ZSCAN5A: variants seen among roughly 807,000 people sequenced by gnomAD.
ZSCAN5A encodes the protein zinc finger and SCAN domain-containing protein 5A.
A neutral mutation model predicts 23.7 loss-of-function variants in ZSCAN5A; 12 were observed. The observed-to-expected ratio is 0.51, with a 90% CI of 0.32 to 0.82. ZSCAN5A has a LOEUF of 0.82. Ranked by LOEUF, ZSCAN5A falls within the 40% of genes least tolerant of loss-of-function variation. The probability of loss-of-function intolerance (pLI) is 0.03; values close to 1 mark genes in which losing one functional copy is unlikely to be tolerated. For synonymous variants in ZSCAN5A, 257 were observed against 239.9 expected (o/e 1.07, Z -0.66); for missense variants, 597 against 617.9 (o/e 0.97, Z 0.36).
intron 2 of ZSCAN5A, among the ~76,000 whole-genome samples, chr19:56,303,944 G>A (rs1380792103): frequency 3.3e-5 from 5 of 152,118 alleles, no homozygotes; most frequent in Non-Finnish European, 7.4e-5. Context: ...TACCTTCGAG[G>A]AACCAAAGGA....
chr19:56,252,501 A>C (rs1269638335), intron 2 of ZSCAN5A, among the ~76,000 whole-genome samples: 6 of 152,134 alleles, frequency 3.9e-5, no homozygotes, highest in African/African-American at 1.4e-4. Flanking sequence ...GAGAGGGCAG[A>C]GAAAGGAGGC....
intron 2 of ZSCAN5A, among the ~76,000 whole-genome samples, chr19:56,275,500 G>C (rs1444663209): frequency 6.6e-6 from 1 of 152,204 alleles, no homozygotes; most frequent in Admixed American, 6.5e-5. Context: ...GGAGGCCAAC[G>C]CAAGAGGATC....
intron 2 of ZSCAN5A, chr19:56,247,430 C>A: frequency 5.7e-6 from 1 of 173,930 alleles, no homozygotes. Flanking sequence ...TTTCGTCGGC[C>A]TGAAACGTTA....
chr19:56,284,206 G>T (rs200203588), intron 2 of ZSCAN5A: 1 of 985,266 alleles, frequency 1.0e-6, no homozygotes, highest in South Asian at 4.7e-5. Flanking sequence ...AGGGATCATA[G>T]GTAAGTACCT....
rs535871086 is a variant in ZSCAN5A, at chr19:56,231,150, T to C, written c.-127-5977A>G. Among the ~76,000 whole-genome samples, 176 of 152,182 alleles carry C rather than the reference T, an allele frequency of 1.2e-3. 2 individuals are homozygous for C. The highest frequency in any genetic ancestry group is 0.01 in the Middle Eastern group (3 of 294). ...ATTGCTTGAGCCTGGGAGGTCAAGGTTGCAGTGAGCTGTGATCACGCCACT... is the reference window on the plus strand; with the variant it reads ...ATTGCTTGAGCCTGGGAGGTCAAGGCTGCAGTGAGCTGTGATCACGCCACT... On this transcript the variant is annotated intron_variant, in intron 2 of 5. Transcript: ENST00000683990.
intron 1 of ZSCAN5A, chr19:56,367,947 T>C (rs2041782643): frequency 6.6e-6 from 1 of 152,296 alleles, no homozygotes. Flanking sequence ...AAGACGCACA[T>C]GTCCACGCCA....
At chr19:56,347,125 G>T (rs989728380) in intron 2 of ZSCAN5A, 8 of 152,180 alleles carry the variant, frequency 5.3e-5, no homozygotes, top group African/African-American at 1.9e-4. Context: ...GAGACGGCTA[G>T]TGCTCAAGAT....
chr19:56,342,614 TC>T (rs1473294972), intron 2 of ZSCAN5A: 9 of 451,760 alleles, frequency 2.0e-5, no homozygotes, highest in Non-Finnish European at 3.9e-5. Context: ...CCTGCACTCT[TC>T]CTTGATTAGG....
chr19:56,303,414 G>A (rs1238985561), intron 2 of ZSCAN5A, among the ~76,000 whole-genome samples: 3 of 151,428 alleles, frequency 2.0e-5, no homozygotes, highest in Non-Finnish European at 4.4e-5. Context: ...GGAAGCAGAG[G>A]TTGCAGTGAG....
intron 2 of ZSCAN5A, among the ~76,000 whole-genome samples, chr19:56,226,739 G>C (rs1354613210): frequency 1.3e-5 from 2 of 152,184 alleles, no homozygotes; most frequent in Admixed American, 6.5e-5. Flanking sequence ...AGGAAATCAG[G>C]ACGTGGACTC....
At chr19:56,362,011 AG>A (rs1213331377) in intron 2 of ZSCAN5A, among the ~76,000 whole-genome samples, 2 of 151,770 alleles carry the variant, frequency 1.3e-5, no homozygotes, top group East Asian at 3.9e-4. Context: ...ACAAAAAATT[AG>A]CTGGGCGGGG....
rs1214456914 is a variant in ZSCAN5A at position 56,238,101 on chromosome 19, AAC to A, written c.-127-12930_-127-12929del. 9.7e-4 allele frequency among the ~76,000 whole-genome samples: 140 copies of A among 145,000 alleles called. 1 individual carries two copies. Among genetic ancestry groups the A allele is most frequent in the Middle Eastern group, 3.6e-3 (1 of 274 alleles). ...ACAGAGACACACCCGGACACACGGA[AAC>A]ACATACGAACACACACCCACACACA... On this transcript the variant is annotated intron_variant, in intron 2 of 5. Coordinates refer to ENST00000683990, the MANE Select transcript of ZSCAN5A (RefSeq NM_001322064.3).
chr19:56,309,659 CTGAG>C (rs2040908232), intron 2 of ZSCAN5A, among the ~76,000 whole-genome samples: 1 of 152,186 alleles, frequency 6.6e-6, no homozygotes, highest in African/African-American at 2.4e-5. Context: ...TCCTGCAACT[CTGAG>C]TGACTCCAGC....
At chr19:56,321,552 TAAGC>T (rs1405174662) in intron 2 of ZSCAN5A, 23 of 753,538 alleles carry the variant, frequency 3.1e-5, no homozygotes, top group Non-Finnish European at 5.0e-5. Flanking sequence ...TCTGTCTTCT[TAAGC>T]AAGCTCACTA....
intron 2 of ZSCAN5A, among the ~76,000 whole-genome samples, chr19:56,253,678 TG>T (rs1324710359): frequency 1.3e-5 from 2 of 152,068 alleles, no homozygotes; most frequent in East Asian, 3.9e-4. Flanking sequence ...TGAGGACGCG[TG>T]GGGAGACGTT....
intron 2 of ZSCAN5A, chr19:56,321,416 A>T (rs2041374365): frequency 3.0e-6 from 2 of 660,936 alleles, no homozygotes; most frequent in Non-Finnish European, 2.8e-6. Flanking sequence ...TCTATTTTGC[A>T]CACAGAGTCT....
chr19:56,323,640 G>A (rs570851261), intron 2 of ZSCAN5A, among the ~76,000 whole-genome samples: 8 of 150,402 alleles, frequency 5.3e-5, no homozygotes, highest in South Asian at 4.2e-4. Flanking sequence ...GGGTTCAAGC[G>A]ATTCTCCTGC....
chr19:56,268,669 GT>G (rs2037636507), intron 2 of ZSCAN5A, among the ~76,000 whole-genome samples: 1 of 152,052 alleles, frequency 6.6e-6, no homozygotes, highest in African/African-American at 2.4e-5. Context: ...ACCATTTTAA[GT>G]GTACAATTCA....
At chr19:56,237,117 C>T (rs995996323) in intron 2 of ZSCAN5A, among the ~76,000 whole-genome samples, 3 of 152,244 alleles carry the variant, frequency 2.0e-5, no homozygotes, top group African/African-American at 7.2e-5. Flanking sequence ...GAGCCCCGCT[C>T]CCAGTCTGTG....
Sources: gnomAD v4.1 joint callset for allele counts (sites outside exome capture counted in the v4.1 genomes callset) on GRCh38, gnomAD v4.1.1 for gene constraint, MANE v1.5 for transcripts, NCBI Gene and HGNC (gene_info 2026-07-23, HGNC 2026-07-21) for gene names.